The following CEP83 variants were observed in gnomAD, a reference collection of about 807,000 sequenced individuals.
CEP83 encodes the protein centrosomal protein of 83 kDa.
CEP83 carries 70 observed loss-of-function variants against 101.9 expected under a neutral mutation model. The observed-to-expected ratio is 0.69, with a 90% CI of 0.57 to 0.84. The LOEUF (loss-of-function observed/expected upper bound fraction) is 0.84. Among genes scored for constraint, CEP83 ranks in the 40% least tolerant of loss-of-function variants. CEP83 has a pLI of 0.00. For synonymous variants in CEP83, 264 were observed against 267.9 expected, an observed-to-expected ratio of 0.99 and a Z score of 0.14; for missense variants, 715 against 787.2, an observed-to-expected ratio of 0.91 and a Z score of 1.10.
At chr12:94,452,039 A>T (rs2067292007) in intron 1 of CEP83, among the ~76,000 whole-genome samples, 1 of 152,218 alleles carries the variant, frequency 6.6e-6, no homozygotes, top group African/African-American at 2.4e-5. Context: ...AAACATTGAT[A>T]TACATACATT....
chr12:94,301,953 CCTTAGCCTTATCA>C (rs201217283), downstream of CEP83, among the ~76,000 whole-genome samples: 1,243 of 152,268 alleles, frequency 8.2e-3, 14 homozygotes, highest in African/African-American at 0.028. Flanking sequence ...CCTCCTCCTT[CCTTAGCCTTATCA>C]CTTAGCCTTA....
In CEP83 at chr12:94,343,470, C is replaced by CTTTTTTT. The variant is rs1161481202; in HGVS notation, c.1344-7813_1344-7807dup. 1.3e-4 allele frequency among the ~76,000 whole-genome samples: 11 copies of CTTTTTTT among 84,168 alleles called. 2 individuals are homozygous for CTTTTTTT. The highest frequency in any genetic ancestry group is 2.1e-4 in the African/African-American group (4 of 19,050). 55.2% of individuals were successfully genotyped at this position (84,168 alleles called of 152,430 possible). ...ACAATGCAATAAAGCTAGAAATTAA[C>CTTTTTTT]TTTTTTTTTTTTTTTTTTTTTTTTT... is the stretch of plus-strand genomic sequence containing the variant. On this transcript the variant is annotated intron_variant, in intron 11 of 16. Transcript: ENST00000397809.
Position 94,328,620 on chromosome 12 carries a change from C to T in CEP83, c.1707+3080G>A, listed in dbSNP as rs377081598. ...GAATTATATTTATGTAATCTGATAG[C>T]CAAAATGGTCAAATAGAAGCATTAT... On this transcript the variant is annotated intron_variant, in intron 14 of 16. Coordinates refer to ENST00000397809, the MANE Select transcript of CEP83 (RefSeq NM_016122.3). Among the ~76,000 whole-genome samples the T allele has an allele frequency of 3.3e-5, 5 of 152,090 alleles. No individual in the cohort carries two copies. In the East Asian group the frequency reaches 5.8e-4, roughly 18 times the overall value.
At chr12:94,364,861 A>G (rs2136976496) in intron 11 of CEP83, among the ~76,000 whole-genome samples, 1 of 152,320 alleles carries the variant, frequency 6.6e-6, no homozygotes, top group Admixed American at 6.5e-5. Flanking sequence ...CACAGCATAC[A>G]AAAGAATACA....
At chr12:94,272,872 G>A in the CEP83 span, among the ~76,000 whole-genome samples, 1 of 152,236 alleles carries the variant, frequency 6.6e-6, no homozygotes, top group African/African-American at 2.4e-5. Flanking sequence ...AGGAGGTCAA[G>A]CCTCCTCTAC....
At chr12:94,362,290 G>A (rs2060804030) in intron 11 of CEP83, among the ~76,000 whole-genome samples, 1 of 152,006 alleles carries the variant, frequency 6.6e-6, no homozygotes, top group Non-Finnish European at 1.5e-5. Flanking sequence ...AATTAGTATA[G>A]CCATTAAGAA....
chr12:94,444,271 C>G (rs969683958), intron 1 of CEP83, among the ~76,000 whole-genome samples: 12 of 152,194 alleles, frequency 7.9e-5, no homozygotes, highest in Admixed American at 3.3e-4. Flanking sequence ...TGGTGGCAAG[C>G]ACCTGTAATC....
At chr12:94,392,042 G>A (rs1300912842) in intron 6 of CEP83, among the ~76,000 whole-genome samples, 2 of 152,074 alleles carry the variant, frequency 1.3e-5, no homozygotes, top group African/African-American at 4.8e-5. Flanking sequence ...ATAATGATGG[G>A]AGACTTTAAC....
chr12:94,381,620 A>G (rs113846544), intron 6 of CEP83, among the ~76,000 whole-genome samples: 1,636 of 152,236 alleles, frequency 0.011, 44 homozygotes, highest in African/African-American at 0.037. Flanking sequence ...CCTTTACGAT[A>G]TAACATAGGG....
intron 14 of CEP83, among the ~76,000 whole-genome samples, chr12:94,324,295 C>G (rs1213952171): frequency 6.6e-6 from 1 of 152,154 alleles, no homozygotes; most frequent in Non-Finnish European, 1.5e-5. Context: ...CTAAAGATTT[C>G]ATTTCATTAA....
intron 14 of CEP83, among the ~76,000 whole-genome samples, chr12:94,329,524 C>T (rs1437765868): frequency 6.6e-6 from 1 of 152,204 alleles, no homozygotes; most frequent in Non-Finnish European, 1.5e-5. Flanking sequence ...TTATGATTAG[C>T]TGATAATCTC....
intron 2 of CEP83, among the ~76,000 whole-genome samples, chr12:94,429,260 TGA>T (rs1309768053): frequency 6.6e-6 from 1 of 152,036 alleles, no homozygotes; most frequent in East Asian, 1.9e-4. Flanking sequence ...AAAGGGTAAA[TGA>T]GAGATGCCCA....
Position 94,378,963 on chromosome 12 carries a change from A to G in CEP83, c.629T>C (p.Val210Ala). The change falls in exon 7 of 17, where the codon GTG becomes GCG. Residue 210 changes from valine (V) to alanine (A), a missense_variant. Transcript: ENST00000397809. Reference sequence around the variant, plus strand: ...GACTTTTTCTCGAGCAAGTTGTTCCACTCGTTTGCTGTCTTTTGTGAGATC... The same window carrying G: ...GACTTTTTCTCGAGCAAGTTGTTCCGCTCGTTTGCTGTCTTTTGTGAGATC... ...NVDLTKDSKR[V>A]EQLAREKVYL... 6.2e-7 allele frequency: 1 copy of G among 1,613,774 alleles called. No homozygotes were observed. Among genetic ancestry groups the G allele is most frequent in the Non-Finnish European group, 8.5e-7 (1 of 1,179,900 alleles).
chr12:94,344,159 T>C (rs1437700838), intron 11 of CEP83, among the ~76,000 whole-genome samples: 2 of 152,238 alleles, frequency 1.3e-5, no homozygotes, highest in African/African-American at 2.4e-5. Context: ...ACCCAGTCTG[T>C]GGTATTTTAT....
At chr12:94,290,935 GCCAC>G in the CEP83 span, among the ~76,000 whole-genome samples, 1 of 152,130 alleles carries the variant, frequency 6.6e-6, no homozygotes, top group African/African-American at 2.4e-5. Context: ...CCTCCTTCTT[GCCAC>G]CCGTTTGTCT....
chr12:94,281,017 G>A, the CEP83 span, among the ~76,000 whole-genome samples: 8 of 152,238 alleles, frequency 5.3e-5, no homozygotes, highest in Admixed American at 1.3e-4. Context: ...GGTGGCTCAC[G>A]CCTGTAATCC....
chr12:94,268,680 C>T, the CEP83 span, among the ~76,000 whole-genome samples: 325 of 149,108 alleles, frequency 2.2e-3, 3 homozygotes, highest in African/African-American at 7.9e-3. Context: ...CTGCAACCTC[C>T]GCCTCTGGGG....
chr12:94,430,643 T>C (rs144645625), intron 2 of CEP83, among the ~76,000 whole-genome samples: 101 of 152,188 alleles, frequency 6.6e-4, no homozygotes, highest in African/African-American at 2.4e-3. Flanking sequence ...AACTAAATAT[T>C]CTCATTTTCA....
the CEP83 span, chr12:94,294,507 A>G: frequency 3.0e-6 from 4 of 1,325,638 alleles, no homozygotes; most frequent in South Asian, 2.4e-5. Context: ...ATCCACTATA[A>G]AAGTCTTTAA....
Sources: gnomAD v4.1 joint callset for allele counts (sites outside exome capture counted in the v4.1 genomes callset) on GRCh38, gnomAD v4.1.1 for gene constraint, MANE v1.5 for transcripts, NCBI Gene and HGNC (gene_info 2026-07-23, HGNC 2026-07-21) for gene names.